The following NEK6 variants were observed in gnomAD, a reference collection of about 807,000 sequenced individuals.
NEK6 encodes the protein serine/threonine-protein kinase Nek6.
NEK6 carries 27 observed loss-of-function variants against 43.5 expected under a neutral mutation model. That is an observed-to-expected ratio of 0.62 (90% CI 0.46 to 0.86). NEK6 has a LOEUF of 0.86. Ranked by LOEUF, NEK6 falls within the 40% of genes least tolerant of loss-of-function variation. The pLI, the probability that NEK6 is intolerant of heterozygous loss-of-function variation, is 0.00. For missense variants in NEK6, 318 were observed against 414.4 expected (o/e 0.77, Z 2.02); for synonymous variants, 167 against 164.1 (o/e 1.02, Z -0.14).
intron 1 of NEK6, among the ~76,000 whole-genome samples, chr9:124,289,204 C>T (rs1832302410): frequency 8.1e-6 from 1 of 123,416 alleles, no homozygotes; most frequent in Non-Finnish European, 1.7e-5. Context: ...CACACACACA[C>T]ACACACACAC....
At chr9:124,330,529 C>T (rs1403341141) in intron 7 of NEK6, among the ~76,000 whole-genome samples, 2 of 152,186 alleles carry the variant, frequency 1.3e-5, no homozygotes, top group Non-Finnish European at 2.9e-5. Flanking sequence ...CACCCAGGCC[C>T]ATGCAGGGCC....
In NEK6 at chr9:124,275,613, G is replaced by GC. The variant is rs1272033377; in HGVS notation, c.-30+17532dup. Among the ~76,000 whole-genome samples, 1 of 152,194 alleles carries GC rather than the reference G, an allele frequency of 6.6e-6. No homozygotes were observed. Among genetic ancestry groups the GC allele is most frequent in the East Asian group, 1.9e-4 (1 of 5,192 alleles). ...GAAACCCCTGCTTGGTGCCTCCATA[G>GC]CCCCTTCTGCATCTTCCCCAACATG... is the stretch of plus-strand genomic sequence containing the variant. On this transcript the variant is annotated intron_variant, in intron 1 of 9. Coordinates refer to ENST00000320246, the MANE Select transcript of NEK6 (RefSeq NM_014397.6). This position sits in a 1 kb window ranked among gnomAD's most constrained non-coding sequence, Gnocchi z 4.4.
chr9:124,326,659 C>T lies in NEK6; in HGVS notation c.514+221C>T, dbSNP rs186325675. On this transcript the variant is annotated intron_variant, in intron 6 of 9. Transcript: ENST00000320246. The surrounding 1 kb of genome is among the most constrained non-coding windows in gnomAD (Gnocchi z 4.5). ...CATGAGCCCCAGGGGGCAGGGGCCC[C>T]GCTTGGCACACCACTTCCAGTTCCC... 4.6e-3 allele frequency among the ~76,000 whole-genome samples: 695 copies of T among 152,312 alleles called. 1 individual carries two copies. Among genetic ancestry groups the T allele is most frequent in the Non-Finnish European group, 7.0e-3 (476 of 68,024 alleles).
At position 124,278,192 on chromosome 9, in the gene NEK6, C is replaced by T. The variant is rs143492022; in HGVS notation, c.-30+20107C>T. ...AGGTGTGTAGCCCAGGAGTGACAGG[C>T]GACACCCTATCGCCTAGGTGTGGGG... On this transcript the variant is annotated intron_variant, in intron 1 of 9. Coordinates refer to ENST00000320246, the MANE Select transcript of NEK6 (RefSeq NM_014397.6). Among the ~76,000 whole-genome samples, 775 of 152,298 alleles carry T rather than the reference C, an allele frequency of 5.1e-3. 9 individuals carry two copies. The highest frequency in any genetic ancestry group is 0.018 in the African/African-American group (736 of 41,550).
At chr9:124,276,960 C>T (rs1831674202) in intron 1 of NEK6, among the ~76,000 whole-genome samples, 1 of 151,940 alleles carries the variant, frequency 6.6e-6, no homozygotes, top group Admixed American at 6.6e-5. Flanking sequence ...GGGATGGCAA[C>T]CCAGAAACCT....
chr9:124,266,195 C>T (rs924448407), intron 1 of NEK6, among the ~76,000 whole-genome samples: 5 of 152,140 alleles, frequency 3.3e-5, no homozygotes, highest in African/African-American at 1.2e-4. Context: ...CTTCTTTGGC[C>T]TTTGCTCCTG....
At chr9:124,317,001 G>A (rs1833847674) in intron 4 of NEK6, among the ~76,000 whole-genome samples, 1 of 152,212 alleles carries the variant, frequency 6.6e-6, no homozygotes, top group Admixed American at 6.5e-5. Context: ...GACATAATGA[G>A]GTGAAGTTCA....
At chr9:124,307,968 G>A (rs1375829672) in intron 2 of NEK6, among the ~76,000 whole-genome samples, 2 of 152,190 alleles carry the variant, frequency 1.3e-5, no homozygotes, top group Non-Finnish European at 2.9e-5. Flanking sequence ...TCCACCACTA[G>A]GCCCATTCGA....
At position 124,280,522 on chromosome 9, in the gene NEK6, G is replaced by A. The variant is rs536881354; in HGVS notation, c.-29-21414G>A. On this transcript the variant is annotated intron_variant, in intron 1 of 9. Transcript: ENST00000320246. ...GAAGAAACATTCCTCACGCTCATGC[G>A]AATGTTTCCCTGGGCTGCTGTCCCA... Among the ~76,000 whole-genome samples the A allele has an allele frequency of 6.6e-5, 10 of 152,350 alleles. No homozygotes were observed. The East Asian group carries it at 9.7e-4, about 15-fold the overall frequency.
intron 1 of NEK6, among the ~76,000 whole-genome samples, chr9:124,264,235 G>A (rs1448769378): frequency 6.6e-6 from 1 of 152,246 alleles, no homozygotes; most frequent in African/African-American, 2.4e-5. Context: ...TCGCTCTGGG[G>A]CGGCTTCTCT....
chr9:124,307,442 G>A (rs906024098), intron 2 of NEK6, among the ~76,000 whole-genome samples: 1 of 152,182 alleles, frequency 6.6e-6, no homozygotes, highest in Non-Finnish European at 1.5e-5. Context: ...GTTTCCTGCT[G>A]CTCCCCAGGG....
chr9:124,301,022 G>A (rs1832945831), intron 1 of NEK6, among the ~76,000 whole-genome samples: 1 of 152,228 alleles, frequency 6.6e-6, no homozygotes, highest in African/African-American at 2.4e-5. Flanking sequence ...GGGAGCCCTG[G>A]CACACAGGAG....
intron 1 of NEK6, among the ~76,000 whole-genome samples, chr9:124,286,218 C>T (rs536848741): frequency 6.6e-6 from 1 of 152,346 alleles, no homozygotes; most frequent in Non-Finnish European, 1.5e-5. Context: ...CAATTCTATT[C>T]AGCTGTTAGT....
chr9:124,270,418 G>A lies in NEK6; in HGVS notation c.-30+12333G>A, dbSNP rs144370272. Among the ~76,000 whole-genome samples the A allele has an allele frequency of 5.9e-3, 905 of 152,272 alleles. 9 individuals carry two copies. Among genetic ancestry groups the A allele is most frequent in the Admixed American group, 0.018 (283 of 15,298 alleles). Reference sequence around the variant, plus strand: ...GGATGTCCCCAGGTCCCCAGAGTGGGAGGGGAAGGGTCAGAAGTCCATGGA... The same window carrying A: ...GGATGTCCCCAGGTCCCCAGAGTGGAAGGGGAAGGGTCAGAAGTCCATGGA... On this transcript the variant is annotated intron_variant, in intron 1 of 9. Transcript: ENST00000320246.
At chr9:124,350,731 T>C (rs997504592) in intron 9 of NEK6, 106 bp from the exon 10 acceptor site, 2 of 781,854 alleles carry the variant, frequency 2.6e-6, no homozygotes, top group Non-Finnish European at 4.4e-6. Flanking sequence ...AACGGGACCA[T>C]CTAGTTGCTC....
At chr9:124,276,590 G>A (rs966842220) in intron 1 of NEK6, among the ~76,000 whole-genome samples, 10 of 152,264 alleles carry the variant, frequency 6.6e-5, no homozygotes, top group African/African-American at 2.2e-4. Context: ...TGTGGCTGGA[G>A]TGTGTGCAGA....
intron 4 of NEK6, among the ~76,000 whole-genome samples, chr9:124,317,851 C>A (rs1257736628): frequency 6.6e-6 from 1 of 152,210 alleles, no homozygotes; most frequent in African/African-American, 2.4e-5. Flanking sequence ...AAGGACATGA[C>A]TTTTATTCTT....
intron 2 of NEK6, among the ~76,000 whole-genome samples, chr9:124,308,177 G>A (rs1298833753): frequency 1.3e-5 from 2 of 152,350 alleles, no homozygotes; most frequent in East Asian, 3.9e-4. Flanking sequence ...CCACAGCTGG[G>A]AAGTGGCAGA....
chr9:124,350,237 A>G (rs1830181549), intron 9 of NEK6, among the ~76,000 whole-genome samples: 1 of 152,232 alleles, frequency 6.6e-6, no homozygotes, highest in Non-Finnish European at 1.5e-5. Flanking sequence ...TAAGGTCATT[A>G]TTTTAATTAC....
Sources: gnomAD v4.1 joint callset for allele counts (sites outside exome capture counted in the v4.1 genomes callset) on GRCh38, gnomAD v4.1.1 for gene constraint, Gnocchi (gnomAD v3.1) non-coding constraint, MANE v1.5 for transcripts, NCBI Gene and HGNC (gene_info 2026-07-23, HGNC 2026-07-21) for gene names.